Variants in PRR5 observed in about 807,000 individuals in gnomAD.
PRR5 encodes proline rich 5.
A neutral mutation model predicts 30.6 loss-of-function variants in PRR5; 25 were observed. The observed-to-expected ratio is 0.82, with a 90% CI of 0.60 to 1.14. The LOEUF is 1.14. PRR5 is among the 50% of genes most tolerant of loss of function. The probability of loss-of-function intolerance (pLI) is 0.00; values close to 1 mark genes in which losing one functional copy is unlikely to be tolerated. For missense variants in PRR5, 600 were observed against 547.1 expected (o/e 1.10, Z -0.96); for synonymous variants, 286 against 247.1 (o/e 1.16, Z -1.48).
At chr22:44,730,449 G>A (rs1272298446) in intron 4 of PRR5, 1 of 985,284 alleles carries the variant, frequency 1.0e-6, no homozygotes, top group African/African-American at 1.7e-5. Flanking sequence ...AAGGCCAAGG[G>A]TTCTTCACGT....
upstream of PRR5, among the ~76,000 whole-genome samples, chr22:44,674,416 G>T (rs1050801162): frequency 7.9e-5 from 12 of 151,744 alleles, no homozygotes; most frequent in Admixed American, 6.6e-5. Flanking sequence ...TGGGTGGATC[G>T]CCTGAGGTCA....
intron 1 of PRR5, chr22:44,679,446 T>G (rs906037142): frequency 1.7e-5 from 3 of 180,664 alleles, no homozygotes; most frequent in African/African-American, 7.1e-5. Context: ...GACTCATGCC[T>G]GTAATCCCAG....
At position 44,702,289 on chromosome 22, in the gene PRR5, C is replaced by A. The variant is rs866795025; in HGVS notation, c.-186C>A. The A allele has an allele frequency of 1.7e-6, 2 of 1,144,904 alleles. No individual in the cohort carries two copies. The allele number at this position is 1,144,904 out of a possible 1,614,324, so 70.9% of individuals were successfully genotyped here. A position where few individuals can be genotyped will look rare whatever the true frequency, so the allele number is the denominator to read the frequency against. ...CCGTGCAATGATTAACCCGGCGGGG[C>A]GGCCGGCGCGGGACCCGAGACGGAG... On this transcript the variant is annotated 5_prime_UTR_variant, in exon 1 of 8. Transcript: ENST00000336985.
chr22:44,681,047 C>T (rs1924236989), intron 1 of PRR5, among the ~76,000 whole-genome samples: 1 of 152,246 alleles, frequency 6.6e-6, no homozygotes, highest in Non-Finnish European at 1.5e-5. Flanking sequence ...CCTTCCTCAC[C>T]CTACTGTGCT....
At chr22:44,675,190 C>A (rs1044686737), upstream of PRR5, among the ~76,000 whole-genome samples, 3 of 151,560 alleles carry the variant, frequency 2.0e-5, no homozygotes, top group Non-Finnish European at 4.4e-5. Context: ...GCAGAGGTTG[C>A]CGTGAGCCGA....
chr22:44,712,308 G>A (rs1203981850), intron 1 of PRR5, among the ~76,000 whole-genome samples: 3 of 152,224 alleles, frequency 2.0e-5, no homozygotes, highest in Non-Finnish European at 4.4e-5. Context: ...ATGAAGCCCT[G>A]GGCAGAGCTG....
chr22:44,735,430 G>T (rs760495667), intron 7 of PRR5, among the ~76,000 whole-genome samples: 1 of 152,218 alleles, frequency 6.6e-6, no homozygotes, highest in Admixed American at 6.5e-5. Flanking sequence ...TTCATGTGCA[G>T]TCTTGAAAGT....
chr22:44,680,164 G>A (rs9614553), intron 1 of PRR5, among the ~76,000 whole-genome samples: 12,664 of 152,228 alleles, frequency 0.083, 696 homozygotes, highest in East Asian at 0.27. Flanking sequence ...TACTGATGTG[G>A]CCCTTTAGGG....
In PRR5 at chr22:44,731,776, C is replaced by T. The variant is rs146749313; in HGVS notation, c.369C>T (p.Phe123=). The T allele has an allele frequency of 3.3e-4, 531 of 1,613,616 alleles. 2 individuals carry two copies. The Middle Eastern group carries it at 4.4e-3, about 13-fold the overall frequency. ...DSLAETWDFF[F]SDVLPMLQAI... ...TGGCAGAGACCTGGGACTTCTTCTTCAGTGACGTGCTGCCCATGCTGCAGG... is the reference window on the plus strand; with the variant it reads ...TGGCAGAGACCTGGGACTTCTTCTTTAGTGACGTGCTGCCCATGCTGCAGG... The change falls in exon 5 of 8, where the codon TTC becomes TTT. Residue 123 remains phenylalanine, a synonymous_variant. Coordinates refer to ENST00000336985, the MANE Select transcript of PRR5 (RefSeq NM_181333.4).
At chr22:44,699,526 G>T (rs1487979322), upstream of PRR5, among the ~76,000 whole-genome samples, 1 of 152,170 alleles carries the variant, frequency 6.6e-6, no homozygotes, top group Non-Finnish European at 1.5e-5. Context: ...TTTCACCAGT[G>T]GGGTCCAATG....
intron 1 of PRR5, among the ~76,000 whole-genome samples, chr22:44,686,750 A>G (rs1207973052): frequency 3.9e-5 from 6 of 152,186 alleles, no homozygotes; most frequent in Admixed American, 2.0e-4. Context: ...TCCTGACTTC[A>G]TGATCCGCCT....
At chr22:44,675,810 T>TA (rs1452661326), upstream of PRR5, among the ~76,000 whole-genome samples, 1 of 139,054 alleles carries the variant, frequency 7.2e-6, no homozygotes, top group African/African-American at 2.7e-5. Context: ...TTAGGTCACA[T>TA]ATCCTAATTA....
intron 1 of PRR5, among the ~76,000 whole-genome samples, chr22:44,681,678 C>T (rs1489814061): frequency 6.6e-6 from 1 of 151,996 alleles, no homozygotes; most frequent in Non-Finnish European, 1.5e-5. Flanking sequence ...GCGAGGATGG[C>T]TGTTGAACTT....
At chr22:44,702,760 T>A in intron 1 of PRR5, 152 bp downstream of exon 1, 1 of 1,166,394 alleles carries the variant, frequency 8.6e-7, no homozygotes, top group Non-Finnish European at 1.1e-6. Flanking sequence ...CCCGCCGGAG[T>A]GGTGCGGGCC....
chr22:44,719,149 A>G (rs1199594614), intron 2 of PRR5, among the ~76,000 whole-genome samples: 1 of 151,268 alleles, frequency 6.6e-6, no homozygotes, highest in Non-Finnish European at 1.5e-5. Flanking sequence ...GCATGAACAT[A>G]GCTCACTGCC....
intron 1 of PRR5, among the ~76,000 whole-genome samples, chr22:44,710,728 T>G (rs1928080585): frequency 6.6e-6 from 1 of 152,130 alleles, no homozygotes; most frequent in Non-Finnish European, 1.5e-5. Flanking sequence ...GAGGGGCCTC[T>G]GCGGGTGCCA....
chr22:44,675,361 GGGA>G (rs1923678000), upstream of PRR5, among the ~76,000 whole-genome samples: 1 of 152,224 alleles, frequency 6.6e-6, no homozygotes, highest in Non-Finnish European at 1.5e-5. Flanking sequence ...CCAAAGTGCT[GGGA>G]TTACAGGCAT....
chr22:44,701,557 C>T (rs185904955), upstream of PRR5, among the ~76,000 whole-genome samples: 78 of 152,370 alleles, frequency 5.1e-4, 1 homozygote, highest in East Asian at 0.013. Context: ...TCTGCCCCCA[C>T]CACAGGGACT....
chr22:44,705,374 A>C (rs767034992), intron 1 of PRR5, among the ~76,000 whole-genome samples: 13 of 151,790 alleles, frequency 8.6e-5, no homozygotes, highest in Non-Finnish European at 1.6e-4. Context: ...TCCAGGCTGG[A>C]GTGCAATGGT....
Sources: gnomAD v4.1 joint callset for allele counts (sites outside exome capture counted in the v4.1 genomes callset) on GRCh38, gnomAD v4.1.1 for gene constraint, MANE v1.5 for transcripts, NCBI Gene and HGNC (gene_info 2026-07-23, HGNC 2026-07-21) for gene names.